CNTNAP5: variants seen among roughly 807,000 people sequenced by gnomAD.
CNTNAP5 encodes contactin-associated protein-like 5.
Under a neutral mutation model 150.2 loss-of-function variants are expected in CNTNAP5, and 72 were observed. The observed-to-expected ratio is 0.48, with a 90% CI of 0.40 to 0.58. The LOEUF (loss-of-function observed/expected upper bound fraction) is 0.58, where lower values mean the gene tolerates loss of function less well. CNTNAP5 is among the 20% of genes least tolerant of loss of function. CNTNAP5 has a pLI of 0.00. For synonymous variants in CNTNAP5, 672 were observed against 619.8 expected, an observed-to-expected ratio of 1.08 and a Z score of -1.25; for missense variants, 1,636 against 1,626.2, an observed-to-expected ratio of 1.01 and a Z score of -0.10.
At chr2:124,265,846 A>C (rs892408003) in intron 3 of CNTNAP5, among the ~76,000 whole-genome samples, 4 of 151,806 alleles carry the variant, frequency 2.6e-5, no homozygotes, top group African/African-American at 9.7e-5. Context: ...GTAAAAAAAA[A>C]CAGAGTCAGT....
intron 3 of CNTNAP5, among the ~76,000 whole-genome samples, chr2:124,299,756 G>A (rs1688530058): frequency 6.6e-6 from 1 of 152,178 alleles, no homozygotes. Context: ...AACTCTCAAT[G>A]TTGAATGCAG....
intron 6 of CNTNAP5, among the ~76,000 whole-genome samples, chr2:124,472,157 A>T (rs1173567621): frequency 6.6e-6 from 1 of 152,130 alleles, no homozygotes; most frequent in South Asian, 2.1e-4. Context: ...GAGTGGTTCA[A>T]TAAGAGAGAA....
At chr2:124,729,981 CCT>C (rs1680237428) in intron 13 of CNTNAP5, among the ~76,000 whole-genome samples, 2 of 152,048 alleles carry the variant, frequency 1.3e-5, no homozygotes, top group African/African-American at 4.8e-5. Flanking sequence ...TAGAAGGCAG[CCT>C]CTGTTAATGG....
intron 10 of CNTNAP5, among the ~76,000 whole-genome samples, chr2:124,548,590 G>C (rs72845218): frequency 0.077 from 11,694 of 152,058 alleles, 627 homozygotes; most frequent in Non-Finnish European, 0.11. Context: ...ACTGAGCTTA[G>C]CAATGTGCAA....
chr2:124,579,212 T>TA (rs1696358617), intron 11 of CNTNAP5, among the ~76,000 whole-genome samples: 1 of 152,230 alleles, frequency 6.6e-6, no homozygotes, highest in Non-Finnish European at 1.5e-5. Flanking sequence ...AGGTCCTTTT[T>TA]ACCATGATTT....
At chr2:124,156,906 T>A in intron 1 of CNTNAP5, among the ~76,000 whole-genome samples, 1 of 152,212 alleles carries the variant, frequency 6.6e-6, no homozygotes, top group East Asian at 1.9e-4. Context: ...TGCCTCAGTT[T>A]CCTCTGTAAA....
chr2:124,834,797 A>ATG (rs1682794874), intron 19 of CNTNAP5, among the ~76,000 whole-genome samples: 1 of 150,522 alleles, frequency 6.6e-6, no homozygotes, highest in Non-Finnish European at 1.5e-5. Context: ...CACAGTATAT[A>ATG]TATATATATA....
chr2:124,780,424 A>G (rs1011636519), intron 17 of CNTNAP5, among the ~76,000 whole-genome samples: 7 of 152,230 alleles, frequency 4.6e-5, no homozygotes, highest in African/African-American at 1.7e-4. Context: ...ACAAATCAAC[A>G]GAAATGTCTC....
At chr2:124,699,716 G>T (rs1473621771) in intron 13 of CNTNAP5, among the ~76,000 whole-genome samples, 3 of 152,140 alleles carry the variant, frequency 2.0e-5, no homozygotes, top group African/African-American at 4.8e-5. Context: ...ATTTGGTCAT[G>T]CCTAGAAGTC....
chr2:124,439,003 C>CT (rs1692609499), intron 5 of CNTNAP5, among the ~76,000 whole-genome samples: 2 of 152,066 alleles, frequency 1.3e-5, no homozygotes, highest in Non-Finnish European at 2.9e-5. Context: ...CCCCAATTCT[C>CT]TGACATTAAT....
intron 19 of CNTNAP5, among the ~76,000 whole-genome samples, chr2:124,846,937 TG>T (rs1201729066): frequency 3.3e-5 from 5 of 152,196 alleles, no homozygotes; most frequent in African/African-American, 1.2e-4. Context: ...CTTCTGATCT[TG>T]CAGCTGTGGA....
chr2:124,668,649 A>G (rs1319599105), intron 13 of CNTNAP5, among the ~76,000 whole-genome samples: 1 of 152,152 alleles, frequency 6.6e-6, no homozygotes, highest in Non-Finnish European at 1.5e-5. Flanking sequence ...ATTTTTGAAA[A>G]CATCATTTTT....
At chr2:124,119,139 C>T (rs1407999540) in intron 1 of CNTNAP5, among the ~76,000 whole-genome samples, 1 of 152,120 alleles carries the variant, frequency 6.6e-6, no homozygotes, top group Non-Finnish European at 1.5e-5. Flanking sequence ...TGTGTCAGTT[C>T]TAATGAATTC....
intron 1 of CNTNAP5, among the ~76,000 whole-genome samples, chr2:124,142,733 GAA>G (rs1684147932): frequency 3.7e-5 from 5 of 135,152 alleles, no homozygotes; most frequent in African/African-American, 1.4e-4. Context: ...AAAAGAACTA[GAA>G]AAGCAAGAGC....
At chr2:124,177,449 T>A (rs1412417294) in intron 1 of CNTNAP5, among the ~76,000 whole-genome samples, 1 of 152,156 alleles carries the variant, frequency 6.6e-6, no homozygotes, top group Non-Finnish European at 1.5e-5. Context: ...AAACAGAAGC[T>A]ATTAGGTAGA....
At chr2:124,523,062 A>G (rs1694884735) in intron 8 of CNTNAP5, among the ~76,000 whole-genome samples, 1 of 152,142 alleles carries the variant, frequency 6.6e-6, no homozygotes, top group Admixed American at 6.5e-5. Flanking sequence ...GCCTTTTAAC[A>G]ATGGACTACC....
intron 6 of CNTNAP5, among the ~76,000 whole-genome samples, chr2:124,468,528 C>T (rs925456195): frequency 2.6e-5 from 4 of 152,104 alleles, no homozygotes; most frequent in Non-Finnish European, 5.9e-5. Context: ...CCCACCCACA[C>T]TGTGGGTGGA....
chr2:124,337,561 G>A (rs536466438), intron 3 of CNTNAP5, among the ~76,000 whole-genome samples: 81 of 152,224 alleles, frequency 5.3e-4, no homozygotes, highest in South Asian at 8.3e-4. Context: ...TAAGGTGTAA[G>A]GAAGGGATCC....
intron 1 of CNTNAP5, among the ~76,000 whole-genome samples, chr2:124,122,623 T>C (rs1683590721): frequency 6.6e-6 from 1 of 152,156 alleles, no homozygotes; most frequent in African/African-American, 2.4e-5. Context: ...TGAGCTGAGA[T>C]AGAAGGAAAA....
Sources: allele counts gnomAD v4.1 joint callset (sites outside exome capture counted in the v4.1 genomes callset), GRCh38; gene constraint gnomAD v4.1.1; transcripts MANE v1.5; gene names NCBI Gene and HGNC (gene_info 2026-07-23, HGNC 2026-07-21).